OR9Q1: variants seen among roughly 807,000 people sequenced by gnomAD.
OR9Q1 encodes olfactory receptor 9Q1.
For missense variants in OR9Q1, 374 were observed against 378.8 expected, an observed-to-expected ratio of 0.99 and a Z score of 0.11; for synonymous variants, 153 against 148.6, an observed-to-expected ratio of 1.03 and a Z score of -0.22.
intron 2 of OR9Q1, among the ~76,000 whole-genome samples, chr11:58,153,723 T>A (rs1446956362): frequency 6.6e-6 from 1 of 152,206 alleles, no homozygotes; most frequent in African/African-American, 2.4e-5. Context: ...ATGTAGAAAG[T>A]AGCACAGTTT....
intron 2 of OR9Q1, among the ~76,000 whole-genome samples, chr11:58,083,699 C>A (rs987882244): frequency 6.6e-6 from 1 of 151,848 alleles, no homozygotes; most frequent in Admixed American, 6.6e-5. Flanking sequence ...ATCCCAGCAC[C>A]ATTTATCGAA....
intron 2 of OR9Q1, among the ~76,000 whole-genome samples, chr11:58,167,972 T>A (rs1348713160): frequency 3.9e-5 from 6 of 152,136 alleles, no homozygotes; most frequent in Non-Finnish European, 8.8e-5. Context: ...GCCATCACAT[T>A]GCAAAAGGCA....
At chr11:58,156,516 A>G (rs1393543244) in intron 2 of OR9Q1, among the ~76,000 whole-genome samples, 1 of 152,208 alleles carries the variant, frequency 6.6e-6, no homozygotes, top group African/African-American at 2.4e-5. Context: ...TCTCTAATTC[A>G]GAATGGTTTT....
At chr11:58,109,488 G>T (rs760437555) in intron 2 of OR9Q1, 1 of 463,208 alleles carries the variant, frequency 2.2e-6, no homozygotes, top group Non-Finnish European at 4.3e-6. Context: ...AGAAGTACAC[G>T]GGGGTGTGGA....
At chr11:58,170,102 A>C (rs963409922) in intron 2 of OR9Q1, among the ~76,000 whole-genome samples, 2 of 152,102 alleles carry the variant, frequency 1.3e-5, no homozygotes, top group African/African-American at 2.4e-5. Context: ...GCCATGGTGG[A>C]TGCAGAGAAT....
chr11:58,064,821 T>C (rs189337802), intron 2 of OR9Q1, among the ~76,000 whole-genome samples: 1 of 152,056 alleles, frequency 6.6e-6, no homozygotes, highest in East Asian at 1.9e-4. Flanking sequence ...GAGTCCCTCC[T>C]TGGGAGGAGC....
chr11:58,053,632 A>ATATATATATATAAATTATATATATAT (rs1554965511), intron 1 of OR9Q1, among the ~76,000 whole-genome samples: 32 of 118,640 alleles, frequency 2.7e-4, no homozygotes, highest in African/African-American at 5.9e-4. Flanking sequence ...TATATAAAAT[A>ATATATATATATAAATTATATATATAT]TATATATATA....
chr11:58,087,723 AC>A (rs1208224347), intron 2 of OR9Q1, among the ~76,000 whole-genome samples: 1 of 134,356 alleles, frequency 7.4e-6, no homozygotes, highest in Non-Finnish European at 1.6e-5. Flanking sequence ...CTTGCCCCCC[AC>A]CCCCTGACAG....
chr11:58,100,842 G>T (rs1037152742), intron 2 of OR9Q1, among the ~76,000 whole-genome samples: 10 of 152,014 alleles, frequency 6.6e-5, no homozygotes, highest in African/African-American at 1.9e-4. Context: ...CCATATAAAA[G>T]AATGAAATTT....
At chr11:58,121,417 T>C (rs1338793882) in intron 2 of OR9Q1, among the ~76,000 whole-genome samples, 1 of 152,158 alleles carries the variant, frequency 6.6e-6, no homozygotes, top group African/African-American at 2.4e-5. Context: ...ATCTCTACTC[T>C]CCCAGGACCT....
chr11:58,123,318 A>G (rs1465108056), intron 2 of OR9Q1, among the ~76,000 whole-genome samples: 1 of 152,208 alleles, frequency 6.6e-6, no homozygotes, highest in Non-Finnish European at 1.5e-5. Context: ...CCTTCAAATC[A>G]TGAGATAACT....
At position 58,084,808 on chromosome 11, in the gene OR9Q1, A is replaced by G. The variant is rs151093847; in HGVS notation, c.-15+28861A>G. On this transcript the variant is annotated intron_variant, in intron 2 of 2. Transcript: ENST00000335397. The stretch of plus-strand genomic sequence containing the variant: ...AACATACCTCAAAATAATAAGAGCC[A>G]TCTTTAACAAACCCACAGCCAACAT... Among the ~76,000 whole-genome samples the G allele has an allele frequency of 6.2e-4, 95 of 152,012 alleles. 1 individual carries two copies. In the East Asian group the frequency reaches 0.016, roughly 26 times the overall value.
intron 1 of OR9Q1, among the ~76,000 whole-genome samples, chr11:58,037,245 C>T (rs1319360903): frequency 6.6e-6 from 1 of 152,098 alleles, no homozygotes; most frequent in Non-Finnish European, 1.5e-5. Flanking sequence ...AAGGTATGTA[C>T]ATTTTCTTAG....
intron 2 of OR9Q1, among the ~76,000 whole-genome samples, chr11:58,146,359 A>G (rs1301248258): frequency 2.6e-5 from 4 of 152,226 alleles, no homozygotes; most frequent in Admixed American, 6.6e-5. Context: ...TCTGCTAGAA[A>G]TATTACCTGG....
intron 2 of OR9Q1, among the ~76,000 whole-genome samples, chr11:58,177,782 C>A (rs749408993): frequency 6.6e-6 from 1 of 152,154 alleles, no homozygotes; most frequent in Non-Finnish European, 1.5e-5. Flanking sequence ...TTGCAAGGTG[C>A]CTCATATATT....
Position 58,178,162 on chromosome 11 carries a change from C to A in OR9Q1, c.-14-1269C>A, listed in dbSNP as rs72923626. Among the ~76,000 whole-genome samples, 1,096 of 152,262 alleles carry A rather than the reference C, an allele frequency of 7.2e-3. 5 individuals are homozygous for A. Among genetic ancestry groups the A allele is most frequent in the Middle Eastern group, 0.014 (4 of 294 alleles). On this transcript the variant is annotated intron_variant, in intron 2 of 2. Coordinates refer to ENST00000335397, the MANE Select transcript of OR9Q1 (RefSeq NM_001005212.4). ...ATAAGCAGAGGAGATCTCACAGAGG[C>A]ATTTCCAACATGTGGAGGAGTCAAA...
At chr11:58,127,271 G>T (rs1275384516) in intron 2 of OR9Q1, among the ~76,000 whole-genome samples, 1 of 152,198 alleles carries the variant, frequency 6.6e-6, no homozygotes, top group Non-Finnish European at 1.5e-5. Flanking sequence ...CTTCTGTTTG[G>T]ACTTTTGGGA....
At position 58,070,160 on chromosome 11, in the gene OR9Q1, C is replaced by T. The variant is rs939391530; in HGVS notation, c.-15+14213C>T. 2.0e-5 allele frequency among the ~76,000 whole-genome samples: 3 copies of T among 150,484 alleles called. No individual in the cohort carries two copies. The East Asian group carries it at 6.0e-4, about 30-fold the overall frequency. On this transcript the variant is annotated intron_variant, in intron 2 of 2. Coordinates refer to ENST00000335397, the MANE Select transcript of OR9Q1 (RefSeq NM_001005212.4). ...GGGACTACAGGTGTACGCCACCATG[C>T]CTGCATAATTTTTGTATTTTTTTTT...
chr11:58,067,734 G>A (rs894848644), intron 2 of OR9Q1, among the ~76,000 whole-genome samples: 3 of 152,224 alleles, frequency 2.0e-5, no homozygotes, highest in Non-Finnish European at 4.4e-5. Flanking sequence ...CATTTTACAA[G>A]TGGGAAATGG....
Sources: gnomAD v4.1 joint callset for allele counts (sites outside exome capture counted in the v4.1 genomes callset) on GRCh38, gnomAD v4.1.1 for gene constraint, MANE v1.5 for transcripts, NCBI Gene and HGNC (gene_info 2026-07-23, HGNC 2026-07-21) for gene names.